The following SPPL3 variants were observed in gnomAD, a reference collection of about 807,000 sequenced individuals.
SPPL3 encodes the protein signal peptide peptidase like 3.
SPPL3 carries 5 observed loss-of-function variants against 42.4 expected under a neutral mutation model. The ratio of observed to expected loss-of-function variants is 0.12; its 90% CI spans 0.06 to 0.25. The LOEUF (loss-of-function observed/expected upper bound fraction) is 0.25, where lower values mean the gene tolerates loss of function less well. Ranked by LOEUF, SPPL3 falls within the 10% of genes least tolerant of loss-of-function variation. SPPL3 has a pLI of 1.00. For missense variants in SPPL3, 235 were observed against 489.0 expected (o/e 0.48, Z 4.90); for synonymous variants, 195 against 181.8 (o/e 1.07, Z -0.58).
At chr12:120,805,976 C>T (rs941996191) in intron 2 of SPPL3, among the ~76,000 whole-genome samples, 1 of 145,228 alleles carries the variant, frequency 6.9e-6, no homozygotes, top group Non-Finnish European at 1.5e-5. Flanking sequence ...TATAGATTCA[C>T]AATGCCTATC....
intron 6 of SPPL3, among the ~76,000 whole-genome samples, chr12:120,772,843 C>G (rs1324844393): frequency 6.6e-6 from 1 of 152,218 alleles, no homozygotes; most frequent in Non-Finnish European, 1.5e-5. Context: ...TTCATCTCCA[C>G]TATCATCACT....
chr12:120,890,108 C>G (rs148134750), intron 1 of SPPL3, among the ~76,000 whole-genome samples: 1 of 151,840 alleles, frequency 6.6e-6, no homozygotes, highest in African/African-American at 2.4e-5. Flanking sequence ...ATTAGCTGGA[C>G]GTGGTGGTGC....
intron 6 of SPPL3, among the ~76,000 whole-genome samples, chr12:120,781,500 T>C (rs1280056077): frequency 6.7e-6 from 1 of 149,802 alleles, no homozygotes; most frequent in Non-Finnish European, 1.5e-5. Context: ...ATATATAATA[T>C]AGAGCATAAT....
intron 6 of SPPL3, among the ~76,000 whole-genome samples, chr12:120,781,769 C>CG (rs776223782): frequency 2.7e-5 from 4 of 150,068 alleles, no homozygotes; most frequent in East Asian, 2.0e-4. Context: ...TTAGTAGAGA[C>CG]GGGGTCTCAC....
At chr12:120,887,335 T>C (rs537494865) in intron 1 of SPPL3, among the ~76,000 whole-genome samples, 4 of 152,274 alleles carry the variant, frequency 2.6e-5, no homozygotes, top group African/African-American at 7.2e-5. Flanking sequence ...TATACTTCTA[T>C]TGGGCAGTGC....
chr12:120,777,582 TTTTACCATA>T (rs1869368076), intron 6 of SPPL3, among the ~76,000 whole-genome samples: 1 of 8,204 alleles, frequency 1.2e-4, no homozygotes, highest in Non-Finnish European at 1.8e-4. Context: ...TTACCCACCC[TTTTACCATA>T]CCACCCTTTT....
chr12:120,851,521 T>C (rs1316133959), intron 1 of SPPL3, among the ~76,000 whole-genome samples: 3 of 152,168 alleles, frequency 2.0e-5, no homozygotes, highest in Non-Finnish European at 2.9e-5. Flanking sequence ...TGTGTCCTAA[T>C]AGCTCAGGAG....
chr12:120,822,908 G>A (rs987232910), intron 1 of SPPL3, among the ~76,000 whole-genome samples: 2 of 151,914 alleles, frequency 1.3e-5, no homozygotes, highest in African/African-American at 4.8e-5. Flanking sequence ...ACATGCATGA[G>A]GACTCTGCTA....
At chr12:120,878,573 C>T (rs541642414) in intron 1 of SPPL3, among the ~76,000 whole-genome samples, 74 of 152,190 alleles carry the variant, frequency 4.9e-4, no homozygotes, top group Non-Finnish European at 8.2e-4. Context: ...TTAAATAATA[C>T]GCCCATAATA....
At chr12:120,876,646 A>G (rs1873105144) in intron 1 of SPPL3, among the ~76,000 whole-genome samples, 1 of 149,808 alleles carries the variant, frequency 6.7e-6, no homozygotes, top group South Asian at 2.1e-4. Flanking sequence ...AGAAGAAAGA[A>G]AATATTTTGA....
At chr12:120,827,371 TAATAAC>T in intron 1 of SPPL3, among the ~76,000 whole-genome samples, 1 of 148,466 alleles carries the variant, frequency 6.7e-6, no homozygotes, top group Admixed American at 6.7e-5. Flanking sequence ...AATATAATAA[TAATAAC>T]AATAATAATA....
At chr12:120,786,463 A>G (rs748757538) in intron 3 of SPPL3, among the ~76,000 whole-genome samples, 1 of 152,244 alleles carries the variant, frequency 6.6e-6, no homozygotes, top group Non-Finnish European at 1.5e-5. Flanking sequence ...GGGAGTCTAT[A>G]GACAGATTAT....
chr12:120,827,358 A>AATAATAATAAT (rs1461846443), intron 1 of SPPL3, among the ~76,000 whole-genome samples: 19 of 147,766 alleles, frequency 1.3e-4, no homozygotes, highest in Middle Eastern at 3.6e-3. Context: ...ATAATAATAT[A>AATAATAATAAT]ATAATATAAT....
At chr12:120,855,825 G>A (rs1182403887) in intron 1 of SPPL3, among the ~76,000 whole-genome samples, 1 of 152,200 alleles carries the variant, frequency 6.6e-6, no homozygotes, top group Non-Finnish European at 1.5e-5. Flanking sequence ...GAATGGGGGT[G>A]TACTTGAAGC....
At chr12:120,804,362 A>G (rs992478304) in intron 2 of SPPL3, among the ~76,000 whole-genome samples, 5 of 152,158 alleles carry the variant, frequency 3.3e-5, no homozygotes. Flanking sequence ...ACAAAAACCC[A>G]TTTTCACAAT....
At chr12:120,818,266 T>C (rs1870945944) in intron 1 of SPPL3, among the ~76,000 whole-genome samples, 1 of 152,232 alleles carries the variant, frequency 6.6e-6, no homozygotes. Context: ...CCAAATGTAT[T>C]GAAAACAGTC....
At position 120,843,674 on chromosome 12, in the gene SPPL3, C is replaced by T. The variant is rs369622913; in HGVS notation, c.24-32788G>A. ...GGTTTCAAAACATTTGTTCTCAGGC[C>T]AGGCGGGGTGGCTGATGCCTGTAAT... On this transcript the variant is annotated intron_variant, in intron 1 of 10. Transcript: ENST00000353487. Among the ~76,000 whole-genome samples, 158 of 152,230 alleles carry T rather than the reference C, an allele frequency of 1.0e-3. 1 individual carries two copies. Among genetic ancestry groups the T allele is most frequent in the Non-Finnish European group, 1.8e-3 (121 of 68,008 alleles).
At chr12:120,878,877 G>A (rs1159447847) in intron 1 of SPPL3, among the ~76,000 whole-genome samples, 1 of 152,006 alleles carries the variant, frequency 6.6e-6, no homozygotes, top group Non-Finnish European at 1.5e-5. Context: ...ACTTTGGGAG[G>A]CTGAGGCGGG....
rs144564253 is a variant in SPPL3, at chr12:120,857,327, G to A, written c.24-46441C>T. ...ATTATTAAACAGTCAAGAAACAACA[G>A]ATGCTGGCGAGGCTGTGGAGAAACA... is the stretch of plus-strand genomic sequence containing the variant. On this transcript the variant is annotated intron_variant, in intron 1 of 10. Transcript: ENST00000353487. 7.7e-4 allele frequency among the ~76,000 whole-genome samples: 118 copies of A among 152,302 alleles called. 3 individuals carry two copies. The East Asian group carries it at 0.02, about 26-fold the overall frequency.
Sources: allele counts gnomAD v4.1 joint callset (sites outside exome capture counted in the v4.1 genomes callset), GRCh38; gene constraint gnomAD v4.1.1; transcripts MANE v1.5; gene names NCBI Gene and HGNC (gene_info 2026-07-23, HGNC 2026-07-21).